The following GRID2 variants were observed in gnomAD, a reference collection of about 807,000 sequenced individuals.
GRID2 encodes glutamate receptor ionotropic, delta-2.
Under a neutral mutation model 114.8 loss-of-function variants are expected in GRID2, and 33 were observed. The ratio of observed to expected loss-of-function variants is 0.29; its 90% CI spans 0.22 to 0.38. The LOEUF (loss-of-function observed/expected upper bound fraction) is 0.38, where lower values mean the gene tolerates loss of function less well. Ranked by LOEUF, GRID2 falls within the 10% of genes least tolerant of loss-of-function variation. The pLI is 1.00. For synonymous variants in GRID2, 505 were observed against 449.9 expected (o/e 1.12, Z -1.55); for missense variants, 1,184 against 1,257.7 (o/e 0.94, Z 0.89).
chr4:92,943,705 T>A (rs1222144204), intron 2 of GRID2, among the ~76,000 whole-genome samples: 2 of 152,154 alleles, frequency 1.3e-5, no homozygotes, highest in Non-Finnish European at 2.9e-5. Flanking sequence ...CCCATCTTTG[T>A]GGTTTTGTCT....
At chr4:92,880,164 T>A (rs1745907818) in intron 2 of GRID2, among the ~76,000 whole-genome samples, 1 of 152,130 alleles carries the variant, frequency 6.6e-6, no homozygotes, top group Admixed American at 6.5e-5. Context: ...AATGTGACCT[T>A]CCCAAAGCAA....
At chr4:93,257,308 G>A (rs1749703473) in intron 8 of GRID2, among the ~76,000 whole-genome samples, 1 of 151,738 alleles carries the variant, frequency 6.6e-6, no homozygotes, top group Non-Finnish European at 1.5e-5. Context: ...AGATCATTGA[G>A]GTAGATGAAT....
intron 14 of GRID2, among the ~76,000 whole-genome samples, chr4:93,698,858 C>G (rs1727268372): frequency 1.3e-5 from 2 of 152,016 alleles, no homozygotes; most frequent in South Asian, 4.1e-4. Flanking sequence ...TGATATTAGG[C>G]AAGCCTGGGT....
At chr4:92,765,886 CTGTT>C (rs1458375224) in intron 2 of GRID2, among the ~76,000 whole-genome samples, 6 of 152,270 alleles carry the variant, frequency 3.9e-5, no homozygotes, top group Non-Finnish European at 8.8e-5. Flanking sequence ...TTGGCCCTCT[CTGTT>C]TGACCTTTGC....
intron 11 of GRID2, among the ~76,000 whole-genome samples, chr4:93,466,804 C>T (rs1724318118): frequency 6.6e-6 from 1 of 152,116 alleles, no homozygotes; most frequent in South Asian, 2.1e-4. Flanking sequence ...AATTTTAAAA[C>T]ATGTTAATAA....
At chr4:92,630,157 A>G (rs912022974) in intron 2 of GRID2, among the ~76,000 whole-genome samples, 4 of 152,012 alleles carry the variant, frequency 2.6e-5, no homozygotes, top group African/African-American at 9.7e-5. Context: ...AATAGGCTAT[A>G]AGGAAATCAC....
At position 92,572,240 on chromosome 4, in the gene GRID2, T is replaced by G. The variant is rs1274669713; in HGVS notation, c.89-17891T>G. Reference sequence around the variant, plus strand: ...CACAGAAATACAAACTACCATCAGATAATACTATAAACACCTCTCTGCAAA... The same window carrying G: ...CACAGAAATACAAACTACCATCAGAGAATACTATAAACACCTCTCTGCAAA... On this transcript the variant is annotated intron_variant, in intron 1 of 15. Transcript: ENST00000282020. Among the ~76,000 whole-genome samples, 31 of 152,158 alleles carry G rather than the reference T, an allele frequency of 2.0e-4. 1 individual carries two copies. Among genetic ancestry groups the G allele is most frequent in the Middle Eastern group, 3.4e-3 (1 of 294 alleles).
intron 6 of GRID2, among the ~76,000 whole-genome samples, chr4:93,221,672 A>G (rs1744891042): frequency 6.6e-6 from 1 of 152,208 alleles, no homozygotes. Context: ...TCAGTTAATG[A>G]TGACAGAAAA....
At chr4:93,158,232 G>A (rs559240142) in intron 4 of GRID2, among the ~76,000 whole-genome samples, 2 of 151,924 alleles carry the variant, frequency 1.3e-5, no homozygotes, top group South Asian at 2.1e-4. Flanking sequence ...GAGCTAGGGA[G>A]GGATAGAGAA....
At chr4:92,843,759 TATAA>T (rs1440154728) in intron 2 of GRID2, among the ~76,000 whole-genome samples, 5 of 152,146 alleles carry the variant, frequency 3.3e-5, no homozygotes, top group Non-Finnish European at 7.4e-5. Context: ...TTCAAATATT[TATAA>T]ATATCTTCTT....
intron 2 of GRID2, among the ~76,000 whole-genome samples, chr4:92,845,296 C>A (rs781364033): frequency 1.7e-4 from 26 of 152,112 alleles, no homozygotes; most frequent in South Asian, 6.2e-4. Flanking sequence ...AGAGCAGAAG[C>A]AGTAGCCCTG....
chr4:92,795,783 T>C (rs1356470815), intron 2 of GRID2, among the ~76,000 whole-genome samples: 1 of 151,982 alleles, frequency 6.6e-6, no homozygotes, highest in Admixed American at 6.6e-5. Flanking sequence ...TTTTTCCTCA[T>C]TGTCTGGAAC....
At chr4:92,489,307 T>A (rs1331386836) in intron 1 of GRID2, among the ~76,000 whole-genome samples, 1 of 152,216 alleles carries the variant, frequency 6.6e-6, no homozygotes, top group Non-Finnish European at 1.5e-5. Flanking sequence ...ATCCATGTCC[T>A]AAATGTTATT....
At chr4:93,362,362 CAG>C (rs1761958521) in intron 8 of GRID2, among the ~76,000 whole-genome samples, 1 of 151,896 alleles carries the variant, frequency 6.6e-6, no homozygotes, top group Non-Finnish European at 1.5e-5. Context: ...CTTAGGCAGG[CAG>C]TGTGTCCCTG....
intron 8 of GRID2, among the ~76,000 whole-genome samples, chr4:93,287,151 A>C (rs1293326290): frequency 6.6e-6 from 1 of 152,196 alleles, no homozygotes; most frequent in Non-Finnish European, 1.5e-5. Flanking sequence ...TAGCTTAGCC[A>C]CCAAGTAATT....
In GRID2 at chr4:92,472,222, C is replaced by T. The variant is rs1413173752; in HGVS notation, c.89-117909C>T. On this transcript the variant is annotated intron_variant, in intron 1 of 15. Coordinates refer to ENST00000282020, the MANE Select transcript of GRID2 (RefSeq NM_001510.4). ...TGCTGGGATTACAGGCGTGAGCCAC[C>T]GCGCCCGGCCGTTATCCATATTTCT... 9.9e-5 allele frequency among the ~76,000 whole-genome samples: 6 copies of T among 60,844 alleles called. 1 individual carries two copies. Among genetic ancestry groups the T allele is most frequent in the African/African-American group, 2.0e-4 (2 of 10,232 alleles). The allele number at this position is 60,844 out of a possible 152,430, so 39.9% of individuals were successfully genotyped here. A position where few individuals can be genotyped will look rare whatever the true frequency, so the allele number is the denominator to read the frequency against.
At chr4:92,725,138 C>G (rs1339069608) in intron 2 of GRID2, among the ~76,000 whole-genome samples, 1 of 151,922 alleles carries the variant, frequency 6.6e-6, no homozygotes, top group Non-Finnish European at 1.5e-5. Flanking sequence ...CCGTCTCTAC[C>G]AAAAATATGA....
intron 8 of GRID2, among the ~76,000 whole-genome samples, chr4:93,273,605 G>A (rs1751739486): frequency 6.6e-6 from 1 of 152,046 alleles, no homozygotes; most frequent in Admixed American, 6.6e-5. Flanking sequence ...GAGGGATTGA[G>A]GATTATCTGG....
At chr4:92,947,237 T>G (rs1751703954) in intron 2 of GRID2, among the ~76,000 whole-genome samples, 1 of 152,026 alleles carries the variant, frequency 6.6e-6, no homozygotes, top group African/African-American at 2.4e-5. Flanking sequence ...AGAAAAACAA[T>G]GAAATGATTA....
Sources: allele counts gnomAD v4.1 joint callset (sites outside exome capture counted in the v4.1 genomes callset), GRCh38; gene constraint gnomAD v4.1.1; transcripts MANE v1.5; gene names NCBI Gene and HGNC (gene_info 2026-07-23, HGNC 2026-07-21).